The following SLC9C2 variants were observed in gnomAD, a reference collection of about 807,000 sequenced individuals.
SLC9C2 encodes the protein solute carrier family 9 member C2 (putative), also known as sodium/hydrogen exchanger 11.
Under a neutral mutation model 140.2 loss-of-function variants are expected in SLC9C2, and 75 were observed. The observed-to-expected ratio is 0.53, with a 90% confidence interval of 0.44 to 0.65. The LOEUF (loss-of-function observed/expected upper bound fraction) is 0.65. SLC9C2 is among the 30% of genes least tolerant of loss of function. The pLI is 0.00. For synonymous variants in SLC9C2, 375 were observed against 420.9 expected, an observed-to-expected ratio of 0.89 and a Z score of 1.34; for missense variants, 1,074 against 1,331.8, an observed-to-expected ratio of 0.81 and a Z score of 3.01.
At chr1:173,518,927 G>A (rs1660611059) in intron 22 of SLC9C2, among the ~76,000 whole-genome samples, 1 of 152,074 alleles carries the variant, frequency 6.6e-6, no homozygotes, top group African/African-American at 2.4e-5. Context: ...ATTCCTGTCT[G>A]TTGTTCAACC....
At position 173,548,425 on chromosome 1, in the gene SLC9C2, G is replaced by A; in HGVS notation, c.1425C>T (p.Thr475=). The A allele has an allele frequency of 3.7e-6, 6 of 1,613,538 alleles. No individual in the cohort carries two copies. Among genetic ancestry groups the A allele is most frequent in the Non-Finnish European group, 5.1e-6 (6 of 1,179,688 alleles). Residue 475 remains threonine, a synonymous_variant, in exon 12 of 28, where the codon ACC becomes ACT. Coordinates refer to ENST00000367714, the MANE Select transcript of SLC9C2 (RefSeq NM_178527.4). ...CGATCCTCGTTTTATCTTCTACTAAGGTCCAGTTAACATTTGTCAAAATTT... is the reference window on the plus strand; with the variant it reads ...CGATCCTCGTTTTATCTTCTACTAAAGTCCAGTTAACATTTGTCAAAATTT... ...TEKILTNVNW[T]LVEDKTRIEY... is the part of the protein sequence containing the mutation.
chr1:173,593,468 C>T (rs140058482), intron 4 of SLC9C2, among the ~76,000 whole-genome samples: 1 of 152,244 alleles, frequency 6.6e-6, no homozygotes, highest in Admixed American at 6.5e-5. Flanking sequence ...TTCAGTGAGA[C>T]GAGATTGTGC....
chr1:173,514,751 G>A (rs1320709855), intron 23 of SLC9C2, among the ~76,000 whole-genome samples: 2 of 152,148 alleles, frequency 1.3e-5, no homozygotes, highest in Non-Finnish European at 2.9e-5. Context: ...AGTGCCATTA[G>A]TCTTTATATA....
At chr1:173,555,985 G>A (rs1455618442) in intron 10 of SLC9C2, among the ~76,000 whole-genome samples, 1 of 152,160 alleles carries the variant, frequency 6.6e-6, no homozygotes, top group Non-Finnish European at 1.5e-5. Flanking sequence ...TGTACTCCTT[G>A]GGACTTCGGG....
chr1:173,575,346 G>T (rs1310268333), intron 8 of SLC9C2, among the ~76,000 whole-genome samples: 1 of 151,732 alleles, frequency 6.6e-6, no homozygotes, highest in African/African-American at 2.4e-5. Flanking sequence ...TGGTCGAATG[G>T]GTGAAAAAAT....
rs752864989 is a variant in SLC9C2 at position 173,530,029 on chromosome 1, A to G, written c.2189T>C (p.Ile730Thr). ...GCGCTTTTTGATCTGCACATCTGCA[A>G]TTCTTATCAGTATTGGTACTATTAT... is the stretch of plus-strand genomic sequence containing the variant. ...FKIIVPILIRIADVQIKKRLS... is the reference protein window; with the variant it reads ...FKIIVPILIRTADVQIKKRLS... The change falls in exon 18 of 28, where the codon ATT becomes ACT. Residue 730 changes from isoleucine to threonine, a missense_variant. Transcript: ENST00000367714. 1 of 1,611,514 alleles carries G rather than the reference A, an allele frequency of 6.2e-7. No homozygotes were observed. The highest frequency in any genetic ancestry group is 2.2e-5 in the East Asian group (1 of 44,870).
At position 173,589,983 on chromosome 1, in the gene SLC9C2, C is replaced by T. The variant is rs186897128; in HGVS notation, c.358-2153G>A. On this transcript the variant is annotated intron_variant, in intron 4 of 27. Coordinates refer to ENST00000367714, the MANE Select transcript of SLC9C2 (RefSeq NM_178527.4). The stretch of plus-strand genomic sequence containing the variant: ...CAAGGCCTGGCACCGTGGCTCACTC[C>T]TACAATCCCAGCACTCTGGGGGGCC... Among the ~76,000 whole-genome samples, 24 of 152,306 alleles carry T rather than the reference C, an allele frequency of 1.6e-4. 2 individuals carry two copies. Among genetic ancestry groups the T allele is most frequent in the African/African-American group, 5.5e-4 (23 of 41,562 alleles).
rs1221292935 is a variant in SLC9C2, at chr1:173,523,966, T to C, written c.2640+3A>G. 2.5e-6 allele frequency: 4 copies of C among 1,604,736 alleles called. No homozygotes were observed. Among genetic ancestry groups the C allele is most frequent in the Middle Eastern group, 1.7e-4 (1 of 6,020 alleles). ...GAGCCAGAATAGAAAACGGAATCTT[T>C]ACCTTGAAGAAGTCAATGAGAACAT... On this transcript the variant is annotated splice_donor_region_variant and intron_variant, in intron 21 of 27. Transcript: ENST00000367714.
intron 8 of SLC9C2, 70 bp from the exon 9 acceptor site, chr1:173,573,395 AATCATAT>A: frequency 1.1e-5 from 12 of 1,132,728 alleles, no homozygotes; most frequent in Non-Finnish European, 1.5e-5. Context: ...TTTCATATAA[AATCATAT>A]ATCTTATATC....
rs1458129181 is a variant in SLC9C2, at chr1:173,524,834, G to T, written c.2459C>A (p.Thr820Asn). Residue 820 changes from threonine (T) to asparagine (N), a missense_variant, in exon 20 of 28, where the codon ACC becomes AAC. Coordinates refer to ENST00000367714, the MANE Select transcript of SLC9C2 (RefSeq NM_178527.4). ...AATAATGCCTCTTGAACAAAGGAAG[G>T]TGAGATTTTTTAGAGCTTTAGCAAT... ...NVIAKALKNL[T>N]FLCSRGIIDK... is the part of the protein sequence containing the mutation. The T allele has an allele frequency of 1.2e-6, 2 of 1,614,066 alleles. No homozygotes were observed. Among genetic ancestry groups the T allele is most frequent in the African/African-American group, 1.3e-5 (1 of 75,034 alleles).
At chr1:173,571,117 C>A (rs1189317575) in intron 9 of SLC9C2, among the ~76,000 whole-genome samples, 1 of 152,136 alleles carries the variant, frequency 6.6e-6, no homozygotes, top group African/African-American at 2.4e-5. Flanking sequence ...GCCTTCTATT[C>A]ATCAGCCATC....
intron 17 of SLC9C2, 84 bp from the exon 18 acceptor site, chr1:173,530,138 T>C (rs2101981789): frequency 8.0e-7 from 1 of 1,255,600 alleles, no homozygotes; most frequent in East Asian, 2.4e-5. Context: ...TAAAGTGTCA[T>C]CTCCAGACCA....
intron 19 of SLC9C2, 124 bp from the exon 20 acceptor site, chr1:173,525,051 G>T: frequency 9.3e-7 from 1 of 1,070,246 alleles, no homozygotes; most frequent in Non-Finnish European, 1.3e-6. Flanking sequence ...GTTTCATGCA[G>T]AACTCATGAG....
intron 4 of SLC9C2, among the ~76,000 whole-genome samples, 181 bp from the exon 5 acceptor site, chr1:173,588,011 C>A (rs1026586473): frequency 5.3e-5 from 8 of 152,148 alleles, no homozygotes; most frequent in Non-Finnish European, 1.5e-5. Flanking sequence ...TTCAAATAAG[C>A]AAGATTCTAC....
intron 23 of SLC9C2, among the ~76,000 whole-genome samples, chr1:173,512,100 T>C (rs534706065): frequency 2.5e-4 from 38 of 152,354 alleles, no homozygotes; most frequent in Non-Finnish European, 4.7e-4. Flanking sequence ...CCTCCAGCTT[T>C]GTTCTTTTTG....
intron 11 of SLC9C2, among the ~76,000 whole-genome samples, chr1:173,552,147 T>G (rs943935257): frequency 6.6e-6 from 1 of 152,162 alleles, no homozygotes; most frequent in African/African-American, 2.4e-5. Flanking sequence ...CTCTATTCAG[T>G]TATATGAAGG....
chr1:173,577,047 T>C (rs1322886670), intron 7 of SLC9C2, among the ~76,000 whole-genome samples: 1 of 152,262 alleles, frequency 6.6e-6, no homozygotes, highest in East Asian at 1.9e-4. Flanking sequence ...TGTAAATGGA[T>C]GTGTCCAGTA....
Position 173,588,324 on chromosome 1 carries a change from A to G in SLC9C2, c.358-494T>C, listed in dbSNP as rs978154098. Among the ~76,000 whole-genome samples the G allele has an allele frequency of 5.3e-5, 8 of 152,346 alleles. No individual in the cohort carries two copies. The East Asian group carries it at 1.5e-3, about 29-fold the overall frequency. On this transcript the variant is annotated intron_variant, in intron 4 of 27. Transcript: ENST00000367714. ...TGAAATGCTTGAGATTAAGTGATTT[A>G]CAGAGTTTTGTAATTTCTATGCACA... is the stretch of plus-strand genomic sequence containing the variant.
At position 173,534,359 on chromosome 1, in the gene SLC9C2, T is replaced by C. The variant is rs1661794986; in HGVS notation, c.1974+125A>G. 1.6e-5 allele frequency: 16 copies of C among 1,014,040 alleles called. No individual in the cohort carries two copies. The South Asian group carries it at 2.4e-4, about 16-fold the overall frequency. The allele number at this position is 1,014,040 out of a possible 1,614,324, so 62.8% of individuals were successfully genotyped here. On this transcript the variant is annotated intron_variant, in intron 16 of 27. Transcript: ENST00000367714. ...AAATTCAAAAAGCTTACTAAAATTC[T>C]AGGATCTCATCAACTATCATAGCAA... is the stretch of plus-strand genomic sequence containing the variant.
Sources: allele counts gnomAD v4.1 joint callset (sites outside exome capture counted in the v4.1 genomes callset), GRCh38; gene constraint gnomAD v4.1.1; transcripts MANE v1.5; gene names NCBI Gene and HGNC (gene_info 2026-07-23, HGNC 2026-07-21).